DYNC2H1: variants seen among roughly 807,000 people sequenced by gnomAD.
DYNC2H1 encodes cytoplasmic dynein 2 heavy chain 1.
DYNC2H1 carries 410 observed loss-of-function variants against 570.0 expected under a neutral mutation model. That is an observed-to-expected ratio of 0.72 (90% CI 0.66 to 0.78). The LOEUF (loss-of-function observed/expected upper bound fraction) is 0.78, where lower values mean the gene tolerates loss of function less well. DYNC2H1 is among the 30% of genes least tolerant of loss of function. The pLI, the probability that DYNC2H1 is intolerant of heterozygous loss-of-function variation, is 0.00. For missense variants in DYNC2H1, 4,865 were observed against 5,046.4 expected, an observed-to-expected ratio of 0.96 and a Z score of 1.09; for synonymous variants, 1,688 against 1,677.6, an observed-to-expected ratio of 1.01 and a Z score of -0.15.
intron 84 of DYNC2H1, among the ~76,000 whole-genome samples, chr11:103,416,333 T>C (rs1943281835): frequency 6.6e-6 from 1 of 152,068 alleles, no homozygotes; most frequent in Non-Finnish European, 1.5e-5. Flanking sequence ...AAAAAACTAC[T>C]TTTAAGTTTC....
At chr11:103,387,419 A>T (rs1310761147) in intron 83 of DYNC2H1, among the ~76,000 whole-genome samples, 1 of 152,194 alleles carries the variant, frequency 6.6e-6, no homozygotes, top group Non-Finnish European at 1.5e-5. Flanking sequence ...TCAGATGAGT[A>T]GATTGCAAAA....
At chr11:103,296,052 C>T (rs1009305646) in intron 75 of DYNC2H1, among the ~76,000 whole-genome samples, 3 of 152,198 alleles carry the variant, frequency 2.0e-5, no homozygotes, top group Non-Finnish European at 2.9e-5. Context: ...CACACAGATT[C>T]TCTCTGTGCT....
chr11:103,136,035 A>G (rs1859521053), intron 17 of DYNC2H1, 87 bp downstream of exon 17: 3 of 1,115,890 alleles, frequency 2.7e-6, no homozygotes, highest in African/African-American at 1.6e-5. Context: ...TTAATAGTTT[A>G]CCTTGTGTGG....
chr11:103,290,420 G>A (rs1204965819), intron 75 of DYNC2H1, among the ~76,000 whole-genome samples: 1 of 152,146 alleles, frequency 6.6e-6, no homozygotes, highest in Non-Finnish European at 1.5e-5. Context: ...CTGATAGAAT[G>A]TTTATGTACC....
chr11:103,212,051 A>G, intron 54 of DYNC2H1, 108 bp downstream of exon 54: 1 of 1,227,226 alleles, frequency 8.1e-7, no homozygotes, highest in Non-Finnish European at 1.0e-6. Flanking sequence ...TAATAAATGT[A>G]CTGTATTAAA....
chr11:103,242,554 A>G (rs1056437337), intron 63 of DYNC2H1, among the ~76,000 whole-genome samples: 8 of 152,232 alleles, frequency 5.3e-5, no homozygotes, highest in African/African-American at 1.7e-4. Flanking sequence ...CATTTTTCAA[A>G]TAAATGTGAA....
rs772418476 is a variant in DYNC2H1 at position 103,177,814 on chromosome 11, C to A, written c.6133C>A (p.Pro2045Thr). The change falls in exon 38 of 89, where the codon CCT (proline) becomes ACT (threonine). Residue 2045 changes from proline (P) to threonine (T), a missense_variant. Coordinates refer to ENST00000375735, the MANE Select transcript of DYNC2H1 (RefSeq NM_001377.3). The surrounding 1 kb of genome is among the most constrained non-coding windows in gnomAD (Gnocchi z 4.4). ...TAGTGCTCGTCAAGTGGTTCGGGAA[C>A]CTCAAGGTTAGTCTCTATGTATACT... ...TNSARQVVRE[P>T]QDVSSWIICD... 8 of 1,608,918 alleles carry A rather than the reference C, an allele frequency of 5.0e-6. No individual in the cohort carries two copies. The highest frequency in any genetic ancestry group is 6.8e-6 in the Non-Finnish European group (8 of 1,178,176).
At chr11:103,242,886 A>G (rs631847) in intron 63 of DYNC2H1, among the ~76,000 whole-genome samples, 10,274 of 151,946 alleles carry the variant, frequency 0.068, 378 homozygotes, top group Middle Eastern at 0.15. Flanking sequence ...ACGCCTGGCT[A>G]ATTTTTGTAT....
chr11:103,302,202 G>T (rs749508616), intron 75 of DYNC2H1, among the ~76,000 whole-genome samples: 10 of 151,844 alleles, frequency 6.6e-5, no homozygotes, highest in Non-Finnish European at 1.5e-4. Context: ...GTGGCAGCTG[G>T]GTGCCCTTTG....
rs2135217978 is a variant in DYNC2H1, at chr11:103,241,475, GC to G, written c.9820-2217del. 1.3e-6 allele frequency: 2 copies of G among 1,532,962 alleles called. No homozygotes were observed. The highest frequency in any genetic ancestry group is 1.8e-6 in the Non-Finnish European group (2 of 1,116,658). The allele number at this position is 1,532,962 out of a possible 1,614,324, so 95.0% of individuals were successfully genotyped here. A position where few individuals can be genotyped will look rare whatever the true frequency, so the allele number is the denominator to read the frequency against. ...TGAAAAACTTAAGCATGTTTTCTTTGCTAAAAACATTTTGAAATGTTACCTT... is the reference window on the plus strand; with the variant it reads ...TGAAAAACTTAAGCATGTTTTCTTTGTAAAAACATTTTGAAATGTTACCTT... On this transcript the variant is annotated intron_variant, in intron 63 of 88. Coordinates refer to ENST00000375735, the MANE Select transcript of DYNC2H1 (RefSeq NM_001377.3). This position sits in a 1 kb window ranked among gnomAD's most constrained non-coding sequence, Gnocchi z 5.1.
Position 103,220,625 on chromosome 11 carries a change from T to G in DYNC2H1, c.8949T>G (p.Pro2983=). The G allele has an allele frequency of 6.2e-7, 1 of 1,602,060 alleles. No homozygotes were observed. Among genetic ancestry groups the G allele is most frequent in the Non-Finnish European group, 8.5e-7 (1 of 1,175,002 alleles). The part of the protein sequence containing the change: ...KIDDELKEVQ[P]LVNEAKLAVG... ...AAAATGGCCTTTTTCTCTTTTAGCC[T>G]TTAGTCAATGAAGCTAAACTAGCAG... is the stretch of plus-strand genomic sequence containing the variant. Residue 2983 remains proline, a splice_region_variant and synonymous_variant, in exon 57 of 89, where the codon CCT becomes CCG. Coordinates refer to ENST00000375735, the MANE Select transcript of DYNC2H1 (RefSeq NM_001377.3).
At chr11:103,403,188 A>G (rs980212296) in intron 84 of DYNC2H1, 2 of 152,088 alleles carry the variant, frequency 1.3e-5, no homozygotes, top group African/African-American at 2.4e-5. Flanking sequence ...GGTGGGAAAT[A>G]AAATGGTTAA....
chr11:103,344,950 G>A (rs1939662916), intron 82 of DYNC2H1, among the ~76,000 whole-genome samples: 1 of 152,084 alleles, frequency 6.6e-6, no homozygotes. Flanking sequence ...CCGTTCTGCT[G>A]AAGTCCCCAC....
At chr11:103,450,101 C>G (rs1324056300) in intron 85 of DYNC2H1, among the ~76,000 whole-genome samples, 1 of 152,006 alleles carries the variant, frequency 6.6e-6, no homozygotes, top group Non-Finnish European at 1.5e-5. Context: ...AGTTACTAAC[C>G]AGAGATAACA....
At chr11:103,176,187 C>A in intron 36 of DYNC2H1, 48 bp from the exon 37 acceptor site, 1 of 1,388,948 alleles carries the variant, frequency 7.2e-7, no homozygotes, top group Middle Eastern at 2.5e-4. Flanking sequence ...AAACTTTTTT[C>A]ATCATTAAAG....
intron 84 of DYNC2H1, chr11:103,403,314 G>A (rs1265509672): frequency 6.6e-6 from 1 of 151,954 alleles, no homozygotes; most frequent in African/African-American, 2.4e-5. Flanking sequence ...TTTTGTGTAG[G>A]GGGTGTGTAA....
rs190478165 is a variant in DYNC2H1 at position 103,128,772 on chromosome 11, G to C, written c.1858-138G>C. 1.1e-4 allele frequency: 67 copies of C among 626,586 alleles called. 1 individual carries two copies. In the African/African-American group the frequency reaches 1.2e-3, roughly 11 times the overall value. The allele number at this position is 626,586 out of a possible 1,614,324, so 38.8% of individuals were successfully genotyped here. A position where few individuals can be genotyped will look rare whatever the true frequency, so the allele number is the denominator to read the frequency against. ...TGTGTGTATTAATACATGAACAAAT[G>C]CCCTATTGGAGATGAAAAACCAATT... is the stretch of plus-strand genomic sequence containing the variant. On this transcript the variant is annotated intron_variant, in intron 12 of 88. Transcript: ENST00000375735.
chr11:103,175,298 A>G (rs930333334), intron 36 of DYNC2H1, among the ~76,000 whole-genome samples: 1 of 152,208 alleles, frequency 6.6e-6, no homozygotes, highest in African/African-American at 2.4e-5. Context: ...TAAAAATGGC[A>G]TCTACATTAG....
chr11:103,148,165 T>A (rs1308792155), intron 19 of DYNC2H1, among the ~76,000 whole-genome samples: 2 of 152,164 alleles, frequency 1.3e-5, no homozygotes, highest in African/African-American at 4.8e-5. Flanking sequence ...TGACAAAGTA[T>A]TTTTCAAAAT....
Sources: gnomAD v4.1 joint callset for allele counts (sites outside exome capture counted in the v4.1 genomes callset) on GRCh38, gnomAD v4.1.1 for gene constraint, Gnocchi (gnomAD v3.1) non-coding constraint, MANE v1.5 for transcripts, NCBI Gene and HGNC (gene_info 2026-07-23, HGNC 2026-07-21) for gene names.